The following PTPRD variants were observed in gnomAD, a reference collection of about 807,000 sequenced individuals.
The protein encoded by PTPRD is receptor-type tyrosine-protein phosphatase delta.
A neutral mutation model predicts 214.5 loss-of-function variants in PTPRD; 34 were observed. The ratio of observed to expected loss-of-function variants is 0.16; its 90% CI spans 0.12 to 0.21. PTPRD has a LOEUF of 0.21. PTPRD is among the 10% of genes least tolerant of loss of function. The probability of loss-of-function intolerance (pLI) is 1.00; values close to 1 mark genes in which losing one functional copy is unlikely to be tolerated. For missense variants in PTPRD, 2,545 were observed against 2,398.7 expected, an observed-to-expected ratio of 1.06 and a Z score of -1.27; for synonymous variants, 1,128 against 845.7, an observed-to-expected ratio of 1.33 and a Z score of -5.79.
chr9:9,069,467 C>A (rs2099740555), intron 10 of PTPRD, among the ~76,000 whole-genome samples: 1 of 152,118 alleles, frequency 6.6e-6, no homozygotes. Context: ...AGTGAAAGGA[C>A]TGTAAACTTA....
chr9:9,616,258 C>T (rs998169293), intron 7 of PTPRD, among the ~76,000 whole-genome samples: 5 of 151,954 alleles, frequency 3.3e-5, no homozygotes, highest in African/African-American at 9.7e-5. Flanking sequence ...TACAGTGACA[C>T]CCCCCAAAAT....
intron 14 of PTPRD, among the ~76,000 whole-genome samples, chr9:8,591,410 G>C (rs955168810): frequency 7.9e-5 from 12 of 152,180 alleles, no homozygotes; most frequent in African/African-American, 2.9e-4. Flanking sequence ...ACACTCTTCT[G>C]TTGGGAGAGT....
chr9:8,454,299 C>T (rs2096088019), intron 33 of PTPRD, among the ~76,000 whole-genome samples: 2 of 152,182 alleles, frequency 1.3e-5, no homozygotes, highest in South Asian at 4.1e-4. Flanking sequence ...CACACAAATG[C>T]CCATTTTAAT....
chr9:9,723,563 A>T (rs929496429), intron 7 of PTPRD, among the ~76,000 whole-genome samples: 1 of 152,086 alleles, frequency 6.6e-6, no homozygotes, highest in East Asian at 1.9e-4. Context: ...TCTACAAAGA[A>T]GTGAGCTGGG....
chr9:9,446,552 T>C (rs1159684706), intron 8 of PTPRD, among the ~76,000 whole-genome samples: 1 of 152,196 alleles, frequency 6.6e-6, no homozygotes, highest in African/African-American at 2.4e-5. Flanking sequence ...TTCAATTCAC[T>C]GTCTCTTCAA....
At chr9:9,072,120 G>A (rs1211251081) in intron 10 of PTPRD, among the ~76,000 whole-genome samples, 1 of 152,032 alleles carries the variant, frequency 6.6e-6, no homozygotes, top group Non-Finnish European at 1.5e-5. Context: ...CAGACATAGT[G>A]TTACCAAACT....
chr9:8,446,499 C>G (rs948771133), intron 34 of PTPRD, among the ~76,000 whole-genome samples: 4 of 152,190 alleles, frequency 2.6e-5, no homozygotes, highest in South Asian at 2.1e-4. Context: ...ACAGACCCAT[C>G]AGAAGCAGAA....
At chr9:10,578,832 C>A (rs1050364507) in intron 2 of PTPRD, among the ~76,000 whole-genome samples, 1 of 152,072 alleles carries the variant, frequency 6.6e-6, no homozygotes, top group Non-Finnish European at 1.5e-5. Flanking sequence ...TCCCGTCATC[C>A]AGGTGGTGAG....
intron 8 of PTPRD, among the ~76,000 whole-genome samples, chr9:9,546,994 CA>C (rs1318170070): frequency 1.3e-5 from 2 of 151,046 alleles, no homozygotes; most frequent in Non-Finnish European, 3.0e-5. Context: ...AATAAAAAGA[CA>C]AAAAATAAAA....
intron 9 of PTPRD, among the ~76,000 whole-genome samples, chr9:9,368,164 G>T (rs894852594): frequency 2.0e-5 from 3 of 151,738 alleles, no homozygotes; most frequent in Non-Finnish European, 2.9e-5. Context: ...GGGGTAAAAC[G>T]TTAGACCTGC....
chr9:10,438,013 A>ATAT lies in PTPRD; in HGVS notation c.-599-96999_-599-96997dup, dbSNP rs1555347146. On this transcript the variant is annotated intron_variant, in intron 2 of 45. Transcript: ENST00000381196. ...CTATCAGCTCCCTAAGTCTACATAT[A>ATAT]TATATATATATATATAGTGAAGGGT... 1.3e-4 allele frequency among the ~76,000 whole-genome samples: 16 copies of ATAT among 120,104 alleles called. 2 individuals are homozygous for ATAT. Among genetic ancestry groups the ATAT allele is most frequent in the African/African-American group, 9.7e-4 (16 of 16,514 alleles). The allele number at this position is 120,104 out of a possible 152,430, so 78.8% of individuals were successfully genotyped here.
At chr9:9,528,957 G>C (rs1055818582) in intron 8 of PTPRD, among the ~76,000 whole-genome samples, 2 of 82,226 alleles carry the variant, frequency 2.4e-5, no homozygotes, top group African/African-American at 1.1e-4. Flanking sequence ...TTTTTTTTTT[G>C]AGGCAGAGTC....
chr9:8,769,616 C>T (rs529522843), intron 11 of PTPRD, among the ~76,000 whole-genome samples: 2 of 152,224 alleles, frequency 1.3e-5, no homozygotes, highest in East Asian at 3.9e-4. Context: ...TGCAAAGTAA[C>T]AGGTTTCTCT....
intron 3 of PTPRD, among the ~76,000 whole-genome samples, chr9:10,163,274 T>G (rs1048867091): frequency 6.6e-6 from 1 of 151,288 alleles, no homozygotes; most frequent in Non-Finnish European, 1.5e-5. Context: ...GGACCCTAAA[T>G]CCACCCTTCA....
chr9:8,585,723 A>T (rs1382449851), intron 14 of PTPRD, among the ~76,000 whole-genome samples: 1 of 152,126 alleles, frequency 6.6e-6, no homozygotes, highest in Non-Finnish European at 1.5e-5. Context: ...TGTGAAAGTT[A>T]TTTTTCTGAG....
intron 2 of PTPRD, among the ~76,000 whole-genome samples, chr9:10,579,941 A>G (rs1239962602): frequency 6.6e-6 from 1 of 151,938 alleles, no homozygotes; most frequent in East Asian, 1.9e-4. Flanking sequence ...CCCTTTGTCA[A>G]TGTTCAATGG....
At chr9:10,563,453 T>C (rs533969072) in intron 2 of PTPRD, among the ~76,000 whole-genome samples, 5 of 152,322 alleles carry the variant, frequency 3.3e-5, no homozygotes, top group Non-Finnish European at 5.9e-5. Flanking sequence ...ACTCAAATCA[T>C]ATTTCTCATT....
intron 6 of PTPRD, among the ~76,000 whole-genome samples, chr9:9,745,387 C>T (rs1271361438): frequency 2.0e-5 from 3 of 152,034 alleles, no homozygotes; most frequent in Non-Finnish European, 4.4e-5. Flanking sequence ...TTCGGTCCCA[C>T]CAGAGAGGCA....
chr9:8,944,363 C>G (rs1363871755), intron 11 of PTPRD, among the ~76,000 whole-genome samples: 1 of 151,974 alleles, frequency 6.6e-6, no homozygotes, highest in Non-Finnish European at 1.5e-5. Flanking sequence ...AAAAATTAAA[C>G]ATAGAACTAT....
Sources: allele counts gnomAD v4.1 joint callset (sites outside exome capture counted in the v4.1 genomes callset), GRCh38; gene constraint gnomAD v4.1.1; transcripts MANE v1.5; gene names NCBI Gene and HGNC (gene_info 2026-07-23, HGNC 2026-07-21).